SMYD3: variants seen among roughly 807,000 people sequenced by gnomAD.
The protein encoded by SMYD3 is histone-lysine N-methyltransferase SMYD3.
A neutral mutation model predicts 57.7 loss-of-function variants in SMYD3; 36 were observed. That is an observed-to-expected ratio of 0.62 (90% CI 0.48 to 0.82). The LOEUF (loss-of-function observed/expected upper bound fraction) is 0.82, where lower values mean the gene tolerates loss of function less well. Ranked by LOEUF, SMYD3 falls within the 40% of genes least tolerant of loss-of-function variation. The probability of loss-of-function intolerance (pLI) is 0.00; values close to 1 mark genes in which losing one functional copy is unlikely to be tolerated. For missense variants in SMYD3, 515 were observed against 538.8 expected (o/e 0.96, Z 0.44); for synonymous variants, 211 against 195.0 (o/e 1.08, Z -0.68).
intron 5 of SMYD3, among the ~76,000 whole-genome samples, chr1:246,231,383 A>G (rs1034354036): frequency 6.6e-6 from 1 of 152,232 alleles, no homozygotes; most frequent in Non-Finnish European, 1.5e-5. Context: ...TAAAATAAGT[A>G]AATATATATC....
chr1:245,849,101 C>T (rs891070724), intron 10 of SMYD3, among the ~76,000 whole-genome samples: 14 of 152,158 alleles, frequency 9.2e-5, no homozygotes, highest in African/African-American at 2.7e-4. Flanking sequence ...AGGCACAGGA[C>T]TGGGGTCCCT....
chr1:245,967,075 A>G (rs1465753562), intron 5 of SMYD3, among the ~76,000 whole-genome samples: 1 of 152,196 alleles, frequency 6.6e-6, no homozygotes, highest in Non-Finnish European at 1.5e-5. Context: ...GATTCCATCA[A>G]AAGTAGAATT....
At chr1:246,403,754 C>T (rs751048278) in intron 1 of SMYD3, among the ~76,000 whole-genome samples, 12 of 152,188 alleles carry the variant, frequency 7.9e-5, no homozygotes, top group Non-Finnish European at 1.5e-4. Context: ...TGCAATAACA[C>T]ATACATGCTG....
intron 5 of SMYD3, among the ~76,000 whole-genome samples, chr1:246,264,638 T>G (rs1286929556): frequency 6.6e-6 from 1 of 152,222 alleles, no homozygotes; most frequent in African/African-American, 2.4e-5. Context: ...TCTATGGGAA[T>G]TGCAGGTACC....
At chr1:245,777,782 C>A (rs962773641) in intron 10 of SMYD3, among the ~76,000 whole-genome samples, 1 of 152,180 alleles carries the variant, frequency 6.6e-6, no homozygotes, top group East Asian at 1.9e-4. Context: ...AAAGACAATA[C>A]TGATGAGCTC....
intron 8 of SMYD3, among the ~76,000 whole-genome samples, chr1:245,867,159 G>T (rs1258315156): frequency 6.6e-6 from 1 of 152,196 alleles, no homozygotes; most frequent in African/African-American, 2.4e-5. Flanking sequence ...AATTACAAGG[G>T]TCCTTAGAAG....
chr1:246,493,546 T>C (rs2068304060), intron 1 of SMYD3, among the ~76,000 whole-genome samples: 1 of 152,194 alleles, frequency 6.6e-6, no homozygotes, highest in Non-Finnish European at 1.5e-5. Context: ...CTCCCAATCC[T>C]GAGAAGCTTT....
At chr1:246,294,149 C>T (rs896832125) in intron 5 of SMYD3, among the ~76,000 whole-genome samples, 1 of 152,130 alleles carries the variant, frequency 6.6e-6, no homozygotes, top group Non-Finnish European at 1.5e-5. Flanking sequence ...CCTACCCTCT[C>T]CCTACATTCC....
chr1:246,439,076 T>C (rs1469834990), intron 1 of SMYD3, among the ~76,000 whole-genome samples: 2 of 138,524 alleles, frequency 1.4e-5, no homozygotes, highest in Non-Finnish European at 1.6e-5. Flanking sequence ...GTTTTATTTG[T>C]ACTATTTTTA....
chr1:246,245,950 C>T (rs892652630), intron 5 of SMYD3, among the ~76,000 whole-genome samples: 1 of 152,150 alleles, frequency 6.6e-6, no homozygotes, highest in African/African-American at 2.4e-5. Context: ...CCAACTTAGC[C>T]ATGTTTTCCT....
intron 5 of SMYD3, among the ~76,000 whole-genome samples, chr1:246,268,051 G>T (rs952279097): frequency 6.6e-6 from 1 of 152,118 alleles, no homozygotes. Flanking sequence ...GAATTGTATT[G>T]TCAGAGGCGT....
intron 5 of SMYD3, among the ~76,000 whole-genome samples, chr1:246,006,123 G>C (rs12727619): frequency 0.47 from 71,356 of 152,114 alleles, 18,817 homozygotes; most frequent in Non-Finnish European, 0.6. Context: ...TTTGATGTTT[G>C]TGTTGAAAGC....
At chr1:246,416,467 C>T (rs1001589699) in intron 1 of SMYD3, among the ~76,000 whole-genome samples, 46 of 151,630 alleles carry the variant, frequency 3.0e-4, no homozygotes, top group African/African-American at 1.0e-3. Context: ...AAAATGAACC[C>T]TATGTGCCAG....
chr1:245,759,200 G>C (rs1390745140), intron 11 of SMYD3, among the ~76,000 whole-genome samples: 5 of 152,090 alleles, frequency 3.3e-5, no homozygotes, highest in African/African-American at 1.2e-4. Flanking sequence ...CTATTTGGAG[G>C]TCAGTAGGAA....
intron 3 of SMYD3, among the ~76,000 whole-genome samples, chr1:246,331,730 C>T (rs563066956): frequency 2.2e-4 from 33 of 152,228 alleles, no homozygotes; most frequent in Non-Finnish European, 4.1e-4. Context: ...TTTACATCAT[C>T]GAACAAGTCT....
intron 1 of SMYD3, among the ~76,000 whole-genome samples, chr1:246,394,624 T>C (rs1394960087): frequency 1.3e-5 from 2 of 152,190 alleles, no homozygotes; most frequent in Non-Finnish European, 2.9e-5. Context: ...ACAATGAACA[T>C]AGCAGCAATC....
chr1:246,047,682 C>CA (rs570133700), intron 5 of SMYD3, among the ~76,000 whole-genome samples: 1 of 151,768 alleles, frequency 6.6e-6, no homozygotes, highest in Non-Finnish European at 1.5e-5. Flanking sequence ...ACAAAAAACA[C>CA]AAAAAAATCA....
intron 11 of SMYD3, among the ~76,000 whole-genome samples, chr1:245,754,493 G>C (rs1283517656): frequency 6.6e-6 from 1 of 152,168 alleles, no homozygotes; most frequent in Non-Finnish European, 1.5e-5. Context: ...GGGGCACAGG[G>C]AGGAGGAAGC....
At chr1:246,069,868 G>C (rs1339923257) in intron 5 of SMYD3, among the ~76,000 whole-genome samples, 1 of 152,190 alleles carries the variant, frequency 6.6e-6, no homozygotes, top group Non-Finnish European at 1.5e-5. Flanking sequence ...TAGATGGACA[G>C]TGAGCTATTG....
Sources: gnomAD v4.1 joint callset for allele counts (sites outside exome capture counted in the v4.1 genomes callset) on GRCh38, gnomAD v4.1.1 for gene constraint, MANE v1.5 for transcripts, NCBI Gene and HGNC (gene_info 2026-07-23, HGNC 2026-07-21) for gene names.